NSMCE4A: variants seen among roughly 807,000 people sequenced by gnomAD.
The protein encoded by NSMCE4A is non-structural maintenance of chromosomes element 4 homolog A.
In NSMCE4A, 40 loss-of-function variants were observed where a neutral mutation model predicts 47.9. The observed-to-expected ratio is 0.83, with a 90% CI of 0.65 to 1.09. NSMCE4A has a LOEUF of 1.09. NSMCE4A is among the 50% of genes least tolerant of loss of function. The pLI, the probability that NSMCE4A is intolerant of heterozygous loss-of-function variation, is 0.00. For synonymous variants in NSMCE4A, 166 were observed against 178.5 expected (o/e 0.93, Z 0.56); for missense variants, 500 against 507.0 (o/e 0.99, Z 0.13).
intron 2 of NSMCE4A, 98 bp from the exon 3 acceptor site, chr10:121,971,167 GAC>G: frequency 1.3e-6 from 1 of 775,608 alleles, no homozygotes; most frequent in Non-Finnish European, 1.7e-6. Flanking sequence ...TTTCCCACTG[GAC>G]TAAAAAAAAA....
intron 1 of NSMCE4A, chr10:121,974,391 A>G (rs897452058): frequency 3.5e-5 from 38 of 1,079,212 alleles, no homozygotes; most frequent in Non-Finnish European, 3.9e-5. Context: ...AATACACACC[A>G]TCACCTGGAG....
At chr10:121,957,697 G>A (rs1952423933) in intron 10 of NSMCE4A, among the ~76,000 whole-genome samples, 1 of 151,700 alleles carries the variant, frequency 6.6e-6, no homozygotes, top group Non-Finnish European at 1.5e-5. Flanking sequence ...CCCTCCCAAA[G>A]TGCTGAGATT....
intron 3 of NSMCE4A, among the ~76,000 whole-genome samples, chr10:121,968,564 G>A (rs144130849): frequency 6.6e-6 from 1 of 152,164 alleles, no homozygotes; most frequent in East Asian, 1.9e-4. Context: ...TTGCCTTCCT[G>A]GGAAGAGTTG....
chr10:121,960,157 T>C lies in NSMCE4A; in HGVS notation c.988+201A>G, dbSNP rs983398141. 1 of 402,886 alleles carries C rather than the reference T, an allele frequency of 2.5e-6. No homozygotes were observed. Among genetic ancestry groups the C allele is most frequent in the African/African-American group, 2.1e-5 (1 of 48,288 alleles). The allele number at this position is 402,886 out of a possible 1,614,324, so 25.0% of individuals were successfully genotyped here. A position where few individuals can be genotyped will look rare whatever the true frequency, so the allele number is the denominator to read the frequency against. On this transcript the variant is annotated intron_variant, in intron 8 of 10. Transcript: ENST00000369023. The surrounding 1 kb of genome is among the most constrained non-coding windows in gnomAD (Gnocchi z 4.2). The stretch of plus-strand genomic sequence containing the variant: ...TTTCTTTGTTAATATTTACAGCAGA[T>C]GTTGAATCAATGATATAGATGAATC...
intron 8 of NSMCE4A, chr10:121,959,993 G>C (rs1315375156): frequency 3.8e-6 from 1 of 260,068 alleles, no homozygotes; most frequent in Non-Finnish European, 7.1e-6. Context: ...AATTATTCAG[G>C]TAAGAATGAA....
chr10:121,961,597 G>T, intron 6 of NSMCE4A, 80 bp from the exon 7 acceptor site: 1 of 836,228 alleles, frequency 1.2e-6, no homozygotes, highest in South Asian at 2.1e-5. Flanking sequence ...CAGAGACAAA[G>T]AAAGGATGTG....
At chr10:121,969,953 T>C (rs1211837433) in intron 3 of NSMCE4A, among the ~76,000 whole-genome samples, 5 of 151,868 alleles carry the variant, frequency 3.3e-5, no homozygotes, top group Admixed American at 1.3e-4. Flanking sequence ...TGACCTCAGG[T>C]GATCCACCCG....
chr10:121,959,437 C>T, intron 9 of NSMCE4A, 27 bp from the exon 10 acceptor site: 1 of 1,613,540 alleles, frequency 6.2e-7, no homozygotes, highest in Non-Finnish European at 8.5e-7. Flanking sequence ...AACATTTAGG[C>T]ACTGGGCTTA....
chr10:121,974,525 G>A (rs1952779154), intron 1 of NSMCE4A: 6 of 1,009,020 alleles, frequency 5.9e-6, no homozygotes, highest in Non-Finnish European at 7.1e-6. Flanking sequence ...CTGCGAGGCC[G>A]GGAGCCCACG....
At chr10:121,972,401 C>T (rs1380162215) in intron 2 of NSMCE4A, among the ~76,000 whole-genome samples, 1 of 152,154 alleles carries the variant, frequency 6.6e-6, no homozygotes, top group African/African-American at 2.4e-5. Context: ...TTTTGTTGAT[C>T]CCTTCTTTAT....
In NSMCE4A at chr10:121,961,472, G is replaced by T; in HGVS notation, c.890C>A (p.Ser297Tyr). 1.3e-6 allele frequency: 2 copies of T among 1,573,408 alleles called. No individual in the cohort carries two copies. The highest frequency in any genetic ancestry group is 1.7e-6 in the Non-Finnish European group (2 of 1,168,846). The change falls in exon 7 of 11, where the codon TCT becomes TAT. Residue 297 changes from serine (S) to tyrosine (Y), a missense_variant. Coordinates refer to ENST00000369023, the MANE Select transcript of NSMCE4A (RefSeq NM_017615.3). The part of the protein sequence containing the change: ...SFFDFVVDPH[S>Y]FPRTVENIFH... ...GATGTTTTCCACTGTACGGGGGAAA[G>T]AATGAGGATCAACCACAAAGTCAAA...
chr10:121,959,748 T>G, intron 8 of NSMCE4A, 153 bp from the exon 9 acceptor site: 1 of 614,524 alleles, frequency 1.6e-6, no homozygotes, highest in African/African-American at 1.8e-5. Context: ...ATTATGGAGC[T>G]GCTGTAGTAT....
intron 2 of NSMCE4A, among the ~76,000 whole-genome samples, chr10:121,972,558 T>G (rs894629477): frequency 6.6e-6 from 1 of 152,166 alleles, no homozygotes; most frequent in Admixed American, 6.5e-5. Flanking sequence ...GTGAATAATT[T>G]TGCTCTAAAA....
chr10:121,974,638 G>A, intron 1 of NSMCE4A: 10 of 1,077,226 alleles, frequency 9.3e-6, no homozygotes, highest in Non-Finnish European at 1.0e-5. Flanking sequence ...CTGGCCTCCA[G>A]CTTTTCCAGC....
intron 3 of NSMCE4A, among the ~76,000 whole-genome samples, chr10:121,970,332 C>T (rs1296468302): frequency 5.3e-5 from 8 of 151,638 alleles, no homozygotes; most frequent in Non-Finnish European, 1.0e-4. Context: ...ATTAGCCGGG[C>T]GTGGTGGCAG....
At position 121,974,060 on chromosome 10, in the gene NSMCE4A, T is replaced by C. The variant is rs747951975; in HGVS notation, c.314A>G (p.Asn105Ser). 5 of 1,606,096 alleles carry C rather than the reference T, an allele frequency of 3.1e-6. No individual in the cohort carries two copies. In the South Asian group the frequency reaches 5.6e-5, roughly 18 times the overall value. The change falls in exon 2 of 11, where the codon AAT (asparagine) becomes AGT (serine). Residue 105 changes from asparagine (N) to serine (S), a missense_variant. By Grantham distance (46) the Asn-to-Ser change is conservative. Transcript: ENST00000369023. Reference sequence around the variant, plus strand: ...GACCTCTGTTAATTTGTCACCGGCATTCAGTATGTCCTCACGGTTTTCTAT... The same window carrying C: ...GACCTCTGTTAATTTGTCACCGGCACTCAGTATGTCCTCACGGTTTTCTAT... ...SVQQNREDIL[N>S]AGDKLTEVLE...
chr10:121,974,651 G>C lies in NSMCE4A; in HGVS notation c.292+223C>G, dbSNP rs1031326784. On this transcript the variant is annotated intron_variant, in intron 1 of 10. Transcript: ENST00000369023. The stretch of plus-strand genomic sequence containing the variant: ...CTCTGGCCTCCAGCTTTTCCAGCCC[G>C]CCACTCGGGGACCCGCGCCAAGGTC... The C allele has an allele frequency of 2.8e-6, 3 of 1,083,498 alleles. No individual in the cohort carries two copies. The African/African-American group carries it at 5.0e-5, about 18-fold the overall frequency. The allele number at this position is 1,083,498 out of a possible 1,614,324, so 67.1% of individuals were successfully genotyped here.
intron 6 of NSMCE4A, chr10:121,961,776 C>A: frequency 2.8e-6 from 1 of 363,104 alleles, no homozygotes; most frequent in South Asian, 5.6e-5. Flanking sequence ...TTTTTTACTT[C>A]AGCAATTTAT....
At chr10:121,967,919 A>G in intron 3 of NSMCE4A, 113 bp from the exon 4 acceptor site, 1 of 1,073,014 alleles carries the variant, frequency 9.3e-7, no homozygotes, top group Non-Finnish European at 1.3e-6. Flanking sequence ...GCCAGCTTTC[A>G]GTGTCTTAAC....
Sources: gnomAD v4.1 joint callset for allele counts (sites outside exome capture counted in the v4.1 genomes callset) on GRCh38, gnomAD v4.1.1 for gene constraint, Gnocchi (gnomAD v3.1) non-coding constraint, MANE v1.5 for transcripts, NCBI Gene and HGNC (gene_info 2026-07-23, HGNC 2026-07-21) for gene names.